Variants in PRAM1 observed in about 807,000 individuals in gnomAD.
PRAM1 encodes the protein PML-RARA regulated adaptor molecule 1.
In PRAM1, 41 loss-of-function variants were observed where a neutral mutation model predicts 55.3. That is an observed-to-expected ratio of 0.74 (90% CI 0.58 to 0.96). The LOEUF is 0.96. PRAM1 is among the 40% of genes least tolerant of loss of function. PRAM1 has a pLI of 0.00. For missense variants in PRAM1, 898 were observed against 892.7 expected (o/e 1.01, Z -0.08); for synonymous variants, 401 against 387.1 (o/e 1.04, Z -0.42).
intron 1 of PRAM1, among the ~76,000 whole-genome samples, chr19:8,500,348 C>T (rs980544490): frequency 2.4e-4 from 36 of 152,002 alleles, no homozygotes; most frequent in African/African-American, 7.7e-4. Flanking sequence ...CACTGTCACC[C>T]CAGGAGGTAG....
At position 8,499,271 on chromosome 19, in the gene PRAM1, G is replaced by T. The variant is rs773461186; in HGVS notation, c.537C>A (p.Pro179=). The T allele has an allele frequency of 4.3e-6, 7 of 1,609,642 alleles. No homozygotes were observed. In the East Asian group the frequency reaches 1.1e-4, roughly 26 times the overall value. The change falls in exon 2 of 10, where the codon CCC becomes CCA. Residue 179 remains proline (P), a synonymous_variant. Coordinates refer to ENST00000423345, the MANE Select transcript of PRAM1 (RefSeq NM_032152.5). ...ATGCGCCGGATTTGGGTTCGGAGGG[G>T]GGTCTGGCGGGGTGACTGAGTTCGT... ...QPDELSHPAR[P]PSEPKSGAFP...
chr19:8,491,600 C>T, intron 4 of PRAM1: 1 of 206,870 alleles, frequency 4.8e-6, no homozygotes, highest in Non-Finnish European at 9.9e-6. Context: ...CACCAGGTCC[C>T]CTCCCAAACC....
At chr19:8,500,628 C>T (rs1423822174) in intron 1 of PRAM1, among the ~76,000 whole-genome samples, 2 of 151,988 alleles carry the variant, frequency 1.3e-5, no homozygotes, top group African/African-American at 4.8e-5. Context: ...ACCCTGAACA[C>T]TTCCCTCCGA....
rs1568313507 is a variant in PRAM1, at chr19:8,491,113, C to CA, written c.1620_1621insT (p.Asp541Ter). On this transcript the variant is annotated frameshift_variant, in exon 5 of 10. Coordinates refer to ENST00000423345, the MANE Select transcript of PRAM1 (RefSeq NM_032152.5). LOFTEE classifies it high-confidence loss of function. The stretch of plus-strand genomic sequence containing the variant: ...TGCCCATGGCACCTGAGCGCTGGGT[C>CA]TTGTGGTGGCCTCCTGGCGGCTTGC... 1.9e-6 allele frequency: 3 copies of CA among 1,612,270 alleles called. No homozygotes were observed. Among genetic ancestry groups the CA allele is most frequent in the South Asian group, 2.2e-5 (2 of 91,080 alleles).
Position 8,490,562 on chromosome 19 carries a change from C to A in PRAM1, c.1906+32G>T. The A allele has an allele frequency of 6.3e-7, 1 of 1,596,828 alleles. No individual in the cohort carries two copies. The highest frequency in any genetic ancestry group is 8.5e-7 in the Non-Finnish European group (1 of 1,172,126). On this transcript the variant is annotated intron_variant, in intron 7 of 9. Transcript: ENST00000423345. The surrounding 1 kb of genome is among the most constrained non-coding windows in gnomAD (Gnocchi z 7.3). ...CTGAGGCCCAGGGTGGCGGCGGGGA[C>A]CTCCCGGGGCTGCGGGGCCGGGCGC...
intron 4 of PRAM1, 28 bp downstream of exon 4, chr19:8,497,736 C>G: frequency 6.3e-7 from 1 of 1,577,382 alleles, no homozygotes; most frequent in African/African-American, 1.4e-5. Flanking sequence ...GAATGTTTTG[C>G]AGGGACTCGG....
chr19:8,498,771 A>C lies in PRAM1; in HGVS notation c.1037T>G (p.Leu346Arg). 6.4e-7 allele frequency: 1 copy of C among 1,574,228 alleles called. No individual in the cohort carries two copies. The highest frequency in any genetic ancestry group is 8.6e-7 in the Non-Finnish European group (1 of 1,160,646). Residue 346 changes from leucine to arginine, a missense_variant, in exon 2 of 10, where the codon CTG (leucine) becomes CGG (arginine). Around this residue, in one of 4 missense-constraint regions of PRAM1, gnomAD observed 787 missense variants for 735.4 expected, o/e 1.07. Coordinates refer to ENST00000423345, the MANE Select transcript of PRAM1 (RefSeq NM_032152.5). ...GGGTGGCCCCCGGCGCTCCGGCTGCAGCAGCTTCCTGGGGAGTGAGTTGAA... is the reference window on the plus strand; with the variant it reads ...GGGTGGCCCCCGGCGCTCCGGCTGCCGCAGCTTCCTGGGGAGTGAGTTGAA... ...PEFNSLPRKL[L>R]QPERRGPPRK... is the part of the protein sequence containing the mutation.
In PRAM1 at chr19:8,498,592, G is replaced by A. The variant is rs1971738757; in HGVS notation, c.1216C>T (p.Leu406Phe). The A allele has an allele frequency of 1.9e-6, 3 of 1,612,522 alleles. No individual in the cohort carries two copies. Among genetic ancestry groups the A allele is most frequent in the Non-Finnish European group, 1.7e-6 (2 of 1,179,758 alleles). The stretch of plus-strand genomic sequence containing the variant: ...CCAGCCGCTCCAAACCCAGGGCTGA[G>A]CGGGTGCCGGGAGCTGAAGCCGGCC... Reference protein sequence around the residue: ...AVAGFSSRHPLSPGFGAAGTP... With the variant: ...AVAGFSSRHPFSPGFGAAGTP... The change falls in exon 2 of 10, where the codon CTC becomes TTC. Residue 406 changes from leucine (L) to phenylalanine (F), a missense_variant. Leu to Phe is a conservative substitution (Grantham distance 22). This residue lies in a region of PRAM1 where 787 missense variants were observed against 735.4 expected (regional missense o/e 1.07). Coordinates refer to ENST00000423345, the MANE Select transcript of PRAM1 (RefSeq NM_032152.5).
At position 8,491,293 on chromosome 19, in the gene PRAM1, G is replaced by A. The variant is rs186190325; in HGVS notation, c.1577-136C>T. On this transcript the variant is annotated intron_variant, in intron 4 of 9. Coordinates refer to ENST00000423345, the MANE Select transcript of PRAM1 (RefSeq NM_032152.5). ...CTGTCACCCAGGCTGGAGTGCAATG[G>A]CACAATCTCGGCTCACTGCAACCTT... 2.3e-5 allele frequency: 21 copies of A among 900,478 alleles called. No homozygotes were observed. The East Asian group carries it at 5.3e-4, about 23-fold the overall frequency. 55.8% of individuals were successfully genotyped at this position (900,478 alleles called of 1,614,324 possible).
rs372677225 is a variant in PRAM1 at position 8,498,821 on chromosome 19, G to A, written c.987C>T (p.Leu329=). The change falls in exon 2 of 10, where the codon CTC becomes CTT. Residue 329 remains leucine, a synonymous_variant. Coordinates refer to ENST00000423345, the MANE Select transcript of PRAM1 (RefSeq NM_032152.5). ...ACTCGGGCTCTGAGGAGGTCCTGGG[G>A]AGGCCGCCCAGCTCGGGCTGCGGGG... is the stretch of plus-strand genomic sequence containing the variant. ...KKPPQPELGG[L]PRTSSEPEFN... The A allele has an allele frequency of 8.9e-5, 141 of 1,592,342 alleles. No individual in the cohort carries two copies. In the African/African-American group the frequency reaches 1.7e-3, roughly 19 times the overall value.
At chr19:8,494,402 G>A (rs535724935) in intron 4 of PRAM1, among the ~76,000 whole-genome samples, 3 of 152,314 alleles carry the variant, frequency 2.0e-5, no homozygotes, top group Non-Finnish European at 4.4e-5. Context: ...CCACCAGGAA[G>A]CTGTGTGCTC....
rs1204013614 is a variant in PRAM1, at chr19:8,498,496, G to T, written c.1312C>A (p.Pro438Thr). The T allele has an allele frequency of 6.3e-7, 1 of 1,595,844 alleles. No homozygotes were observed. Among genetic ancestry groups the T allele is most frequent in the Non-Finnish European group, 8.5e-7 (1 of 1,170,690 alleles). The change falls in exon 2 of 10, where the codon CCA (proline) becomes ACA (threonine). Residue 438 changes from proline (P) to threonine (T), a missense_variant. Physicochemically the swap from Pro to Thr is conservative, Grantham distance 38 (BLOSUM62 -1). Around this residue, in one of 4 missense-constraint regions of PRAM1, gnomAD observed 787 missense variants for 735.4 expected, o/e 1.07. Coordinates refer to ENST00000423345, the MANE Select transcript of PRAM1 (RefSeq NM_032152.5). ...GGGGGCAGAGGCCTCCGCCGGGGTG[G>T]ATGGCTGGGTCTGAGGCCTGGCCTG... ...GARPGLRPSH[P>T]PRRRPLPPAS...
In PRAM1 at chr19:8,490,961, G is replaced by T; in HGVS notation, c.1669C>A (p.Pro557Thr). 1 of 1,613,760 alleles carries T rather than the reference G, an allele frequency of 6.2e-7. No homozygotes were observed. The highest frequency in any genetic ancestry group is 8.5e-7 in the Non-Finnish European group (1 of 1,179,904). ...EKDPQPQQLPPMDPKLLKQLR... is the reference protein window; with the variant it reads ...EKDPQPQQLPTMDPKLLKQLR... ...TGCTTCAGCAACTTTGGGTCCATGG[G>T]TGGCAACTGCTGTGGCTGGGGATCC... Residue 557 changes from proline (P) to threonine (T), a missense_variant, in exon 6 of 10, where the codon CCC becomes ACC. Transcript: ENST00000423345. This position sits in a 1 kb window ranked among gnomAD's most constrained non-coding sequence, Gnocchi z 7.3.
At position 8,499,138 on chromosome 19, in the gene PRAM1, A is replaced by G. The variant is rs1311824865; in HGVS notation, c.670T>C (p.Tyr224His). ...TGAGGCTGCGGAGGCTTTTTGGGGT[A>G]CACGTTGAACTCAGGCTGCGCAGGC... ...KKPAQPEFNV[Y>H]PKKPPQPQVG... Residue 224 changes from tyrosine to histidine, a missense_variant, in exon 2 of 10, where the codon TAC (tyrosine) becomes CAC (histidine). This residue lies in a region of PRAM1 where 787 missense variants were observed against 735.4 expected (regional missense o/e 1.07). Coordinates refer to ENST00000423345, the MANE Select transcript of PRAM1 (RefSeq NM_032152.5). The G allele has an allele frequency of 1.9e-6, 3 of 1,612,104 alleles. No individual in the cohort carries two copies. In the East Asian group the frequency reaches 6.7e-5, roughly 36 times the overall value.
chr19:8,493,933 G>C lies in PRAM1; in HGVS notation c.1577-2776C>G, dbSNP rs570944167. On this transcript the variant is annotated intron_variant, in intron 4 of 9. Transcript: ENST00000423345. The surrounding 1 kb of genome is among the most constrained non-coding windows in gnomAD (Gnocchi z 4.1). ...CCACCTCAGCCTCCCCAGAAGCTGG[G>C]ACTACAGGTGTGCAACACCATGTCC... Among the ~76,000 whole-genome samples, 2 of 152,212 alleles carry C rather than the reference G, an allele frequency of 1.3e-5. No homozygotes were observed. The highest frequency in any genetic ancestry group is 4.1e-4 in the South Asian group (2 of 4,824).
chr19:8,502,595 A>T lies in PRAM1; in HGVS notation c.-4T>A. 1 of 1,549,108 alleles carries T rather than the reference A, an allele frequency of 6.5e-7. No individual in the cohort carries two copies. The highest frequency in any genetic ancestry group is 1.2e-5 in the South Asian group (1 of 84,088). ...CTGCAGGCAGGTGATGGGCCATGGG[A>T]TGAGTGGGACCCGAGCTGGGGCCGC... On this transcript the variant is annotated 5_prime_UTR_variant, in exon 1 of 10. Transcript: ENST00000423345.
intron 1 of PRAM1, among the ~76,000 whole-genome samples, chr19:8,501,450 TC>T (rs550674475): frequency 3.0e-4 from 45 of 151,024 alleles, no homozygotes; most frequent in African/African-American, 9.5e-4. Flanking sequence ...CATGATTTTC[TC>T]CATCGTACCC....
In PRAM1 at chr19:8,498,601, G is replaced by C. The variant is rs781054510; in HGVS notation, c.1207C>G (p.Arg403Gly). The change falls in exon 2 of 10, where the codon CGG becomes GGG. Residue 403 changes from arginine (R) to glycine (G), a missense_variant. By Grantham distance (125) the Arg-to-Gly change is moderately radical. This residue lies in a region of PRAM1 where 787 missense variants were observed against 735.4 expected (regional missense o/e 1.07). Coordinates refer to ENST00000423345, the MANE Select transcript of PRAM1 (RefSeq NM_032152.5). ...CCAAACCCAGGGCTGAGCGGGTGCC[G>C]GGAGCTGAAGCCGGCCACGGCCGCA... ...LPAAVAGFSSRHPLSPGFGAA... is the reference protein window; with the variant it reads ...LPAAVAGFSSGHPLSPGFGAA... The C allele has an allele frequency of 1.2e-6, 2 of 1,612,518 alleles. No individual in the cohort carries two copies. Among genetic ancestry groups the C allele is most frequent in the South Asian group, 1.1e-5 (1 of 91,038 alleles).
Position 8,497,303 on chromosome 19 carries a change from C to T in PRAM1, c.1576+461G>A, listed in dbSNP as rs575675541. Among the ~76,000 whole-genome samples the T allele has an allele frequency of 3.1e-4, 47 of 151,948 alleles. No individual in the cohort carries two copies. The South Asian group carries it at 8.3e-3, about 27-fold the overall frequency. On this transcript the variant is annotated intron_variant, in intron 4 of 9. Transcript: ENST00000423345. Reference sequence around the variant, plus strand: ...AAGCAATCCTCTTGTCTCAGCATCCCAAATAGCTGGGACTACAGATGCTTG... The same window carrying T: ...AAGCAATCCTCTTGTCTCAGCATCCTAAATAGCTGGGACTACAGATGCTTG...
Sources: gnomAD v4.1 joint callset for allele counts (sites outside exome capture counted in the v4.1 genomes callset) on GRCh38, gnomAD v4.1.1 for gene constraint, gnomAD v4.1.1 regional missense constraint, Gnocchi (gnomAD v3.1) non-coding constraint, MANE v1.5 for transcripts, NCBI Gene and HGNC (gene_info 2026-07-23, HGNC 2026-07-21) for gene names.